Variants in STK4 observed in about 807,000 individuals in gnomAD.
The protein encoded by STK4 is serine/threonine kinase 4, also known as serine/threonine-protein kinase 4.
A neutral mutation model predicts 64.9 loss-of-function variants in STK4; 30 were observed. That is an observed-to-expected ratio of 0.46 (90% CI 0.35 to 0.63). The LOEUF (loss-of-function observed/expected upper bound fraction) is 0.63, where lower values mean the gene tolerates loss of function less well. STK4 is among the 20% of genes least tolerant of loss of function. The pLI, the probability that STK4 is intolerant of heterozygous loss-of-function variation, is 0.01. For synonymous variants in STK4, 177 were observed against 199.0 expected (o/e 0.89, Z 0.93); for missense variants, 466 against 598.5 (o/e 0.78, Z 2.31).
At chr20:44,970,279 T>A (rs934165429) in intron 1 of STK4, among the ~76,000 whole-genome samples, 1 of 152,016 alleles carries the variant, frequency 6.6e-6, no homozygotes, top group Non-Finnish European at 1.5e-5. Flanking sequence ...TTATCAGAGG[T>A]TTGCAGCTGT....
At chr20:44,976,708 C>T (rs960466925) in intron 2 of STK4, among the ~76,000 whole-genome samples, 1 of 152,152 alleles carries the variant, frequency 6.6e-6, no homozygotes, top group Non-Finnish European at 1.5e-5. Context: ...ATGGAAGTAA[C>T]AATACCCAAC....
At chr20:45,013,821 T>G (rs2068094766) in intron 9 of STK4, among the ~76,000 whole-genome samples, 1 of 149,058 alleles carries the variant, frequency 6.7e-6, no homozygotes, top group Non-Finnish European at 1.5e-5. Context: ...GGAGATTTGT[T>G]AAAATTGTTA....
At chr20:45,054,155 C>T (rs1978314097) in intron 10 of STK4, among the ~76,000 whole-genome samples, 1 of 152,152 alleles carries the variant, frequency 6.6e-6, no homozygotes, top group Admixed American at 6.6e-5. Flanking sequence ...GCTAATGCTG[C>T]CCCGCATATA....
intron 10 of STK4, among the ~76,000 whole-genome samples, chr20:45,057,812 A>AT (rs879651606): frequency 6.6e-6 from 1 of 152,116 alleles, no homozygotes. Context: ...TCTTTACAAA[A>AT]TTTTTTTCTG....
At chr20:45,014,545 T>A (rs751205749) in intron 9 of STK4, among the ~76,000 whole-genome samples, 2 of 151,124 alleles carry the variant, frequency 1.3e-5, no homozygotes, top group East Asian at 1.9e-4. Context: ...AAAAAAATAT[T>A]TTTTTTTTAG....
chr20:45,043,428 G>A (rs563404685), intron 10 of STK4, among the ~76,000 whole-genome samples: 33 of 152,290 alleles, frequency 2.2e-4, no homozygotes, highest in South Asian at 1.7e-3. Context: ...GGCTTTCAGC[G>A]TTCAAATCCT....
At chr20:44,991,252 A>AG (rs2067628324) in intron 5 of STK4, among the ~76,000 whole-genome samples, 1 of 152,196 alleles carries the variant, frequency 6.6e-6, no homozygotes, top group African/African-American at 2.4e-5. Flanking sequence ...CTACAGTTGG[A>AG]TGTTGGGTGC....
chr20:45,008,148 A>G (rs968100669), intron 9 of STK4, among the ~76,000 whole-genome samples: 7 of 152,244 alleles, frequency 4.6e-5, no homozygotes, highest in African/African-American at 1.7e-4. Context: ...TCTGCCTCCC[A>G]GGTTCAAGCA....
chr20:45,012,223 A>G (rs548696217), intron 9 of STK4, among the ~76,000 whole-genome samples: 2 of 152,094 alleles, frequency 1.3e-5, no homozygotes, highest in African/African-American at 4.8e-5. Context: ...TTTAGTAGAG[A>G]TAGGGTTTCA....
intron 9 of STK4, among the ~76,000 whole-genome samples, chr20:45,006,401 G>T (rs1189169782): frequency 6.6e-6 from 1 of 151,574 alleles, no homozygotes; most frequent in African/African-American, 2.4e-5. Flanking sequence ...CTCCGGGCTT[G>T]TCTTACAGAT....
In STK4 at chr20:44,980,072, G is replaced by A. The variant is rs114977286; in HGVS notation, c.245+1501G>A. Among the ~76,000 whole-genome samples, 1,298 of 152,264 alleles carry A rather than the reference G, an allele frequency of 8.5e-3. 23 individuals carry two copies. Among genetic ancestry groups the A allele is most frequent in the African/African-American group, 0.029 (1,224 of 41,532 alleles). On this transcript the variant is annotated intron_variant, in intron 3 of 10. Transcript: ENST00000372806. ...ACAGAGCAGAGTCCTTGTGCTTTGGGAGTTTATAGACTAATTGGACAGGCT... is the reference window on the plus strand; with the variant it reads ...ACAGAGCAGAGTCCTTGTGCTTTGGAAGTTTATAGACTAATTGGACAGGCT...
chr20:45,026,101 T>C (rs889696408), intron 10 of STK4, among the ~76,000 whole-genome samples: 2 of 151,494 alleles, frequency 1.3e-5, no homozygotes, highest in African/African-American at 4.9e-5. Context: ...TTATTACCTG[T>C]TTGTTCATTT....
At chr20:45,031,019 A>T (rs1315354478) in intron 10 of STK4, among the ~76,000 whole-genome samples, 1 of 152,038 alleles carries the variant, frequency 6.6e-6, no homozygotes, top group African/African-American at 2.4e-5. Context: ...ACATAGTGAG[A>T]CCCCATCTCT....
At chr20:45,054,727 T>C (rs771060258) in intron 10 of STK4, among the ~76,000 whole-genome samples, 1 of 152,112 alleles carries the variant, frequency 6.6e-6, no homozygotes, top group Non-Finnish European at 1.5e-5. Context: ...ACTGGGTTAA[T>C]AATTATAGCT....
At chr20:45,028,965 C>T (rs1177745008) in intron 10 of STK4, among the ~76,000 whole-genome samples, 2 of 152,144 alleles carry the variant, frequency 1.3e-5, no homozygotes, top group African/African-American at 4.8e-5. Context: ...ACCAGGTTAG[C>T]ACATTGCATG....
chr20:45,062,779 G>A (rs908584809), intron 10 of STK4, among the ~76,000 whole-genome samples: 13 of 150,780 alleles, frequency 8.6e-5, no homozygotes, highest in African/African-American at 2.4e-4. Flanking sequence ...CCGGGTTCAC[G>A]CCATTCCCCG....
At chr20:44,982,564 ATTTGGG>A (rs961028893) in intron 4 of STK4, among the ~76,000 whole-genome samples, 6 of 152,192 alleles carry the variant, frequency 3.9e-5, no homozygotes, top group African/African-American at 1.4e-4. Flanking sequence ...TTGGATTTGG[ATTTGGG>A]TTTCTGCTTC....
At chr20:44,967,111 G>T in intron 1 of STK4, 1 of 982,492 alleles carries the variant, frequency 1.0e-6, no homozygotes, top group Non-Finnish European at 1.2e-6. Flanking sequence ...TGCGAGGAAA[G>T]GTTGAGGGTC....
intron 9 of STK4, among the ~76,000 whole-genome samples, chr20:45,017,203 G>A (rs917890944): frequency 2.6e-5 from 4 of 152,160 alleles, no homozygotes; most frequent in African/African-American, 4.8e-5. Flanking sequence ...TATATTAAAA[G>A]GGGAAGATGA....
Sources: gnomAD v4.1 joint callset for allele counts (sites outside exome capture counted in the v4.1 genomes callset) on GRCh38, gnomAD v4.1.1 for gene constraint, MANE v1.5 for transcripts, NCBI Gene and HGNC (gene_info 2026-07-23, HGNC 2026-07-21) for gene names.